CDC42BPA: variants seen among roughly 807,000 people sequenced by gnomAD.
The protein encoded by CDC42BPA is CDC42 binding protein kinase alpha.
CDC42BPA carries 80 observed loss-of-function variants against 223.5 expected under a neutral mutation model. The ratio of observed to expected loss-of-function variants is 0.36; its 90% CI spans 0.30 to 0.43. The LOEUF is 0.43. Among genes scored for constraint, CDC42BPA ranks in the 20% least tolerant of loss-of-function variants. CDC42BPA has a pLI of 1.00. For missense variants in CDC42BPA, 1,743 were observed against 2,099.9 expected (o/e 0.83, Z 3.32); for synonymous variants, 694 against 718.6 (o/e 0.97, Z 0.55).
rs1694677549 is a variant in CDC42BPA at position 227,318,061 on chromosome 1, G to A, written c.-879C>T. 3.4e-6 allele frequency: 1 copy of A among 295,452 alleles called. No homozygotes were observed. The highest frequency in any genetic ancestry group is 6.2e-6 in the Non-Finnish European group (1 of 162,212). 18.3% of individuals were successfully genotyped at this position (295,452 alleles called of 1,614,324 possible). A position where few individuals can be genotyped will look rare whatever the true frequency, so the allele number is the denominator to read the frequency against. On this transcript the variant is annotated 5_prime_UTR_variant, in exon 1 of 37. Coordinates refer to ENST00000366766, the MANE Select transcript of CDC42BPA (RefSeq NM_001394014.1). Reference sequence around the variant, plus strand: ...CACTCCATGTCGGTGGTCGCTCGTGGGCCGAGCCGCGCCGCGCCGCGCCGG... The same window carrying A: ...CACTCCATGTCGGTGGTCGCTCGTGAGCCGAGCCGCGCCGCGCCGCGCCGG...
At chr1:227,307,972 A>G (rs532960278) in intron 1 of CDC42BPA, among the ~76,000 whole-genome samples, 1 of 152,358 alleles carries the variant, frequency 6.6e-6, no homozygotes, top group Non-Finnish European at 1.5e-5. Context: ...TTACTGAAGA[A>G]TAATTATATA....
chr1:227,069,697 G>A (rs1228788508), intron 21 of CDC42BPA, 80 bp downstream of exon 21: 10 of 978,988 alleles, frequency 1.0e-5, no homozygotes, highest in Non-Finnish European at 1.4e-5. Flanking sequence ...CAATAAAATG[G>A]TTTTATTATA....
At chr1:227,207,439 T>C (rs530109240) in intron 3 of CDC42BPA, among the ~76,000 whole-genome samples, 5 of 149,950 alleles carry the variant, frequency 3.3e-5, no homozygotes, top group African/African-American at 1.2e-4. Context: ...TATGTATACA[T>C]GTGCCATGCT....
rs151323067 is a variant in CDC42BPA at position 227,167,758 on chromosome 1, G to A, written c.600-7122C>T. 8.7e-4 allele frequency among the ~76,000 whole-genome samples: 133 copies of A among 152,260 alleles called. 3 individuals are homozygous for A. The East Asian group carries it at 0.023, about 27-fold the overall frequency. On this transcript the variant is annotated intron_variant, in intron 5 of 36. Transcript: ENST00000366766. ...AGTCATATGGTTTGTGAAGAAATTA[G>A]TAAGAATAAAAAATTTATAGTCTAG...
At chr1:227,249,373 C>CA (rs919326898) in intron 2 of CDC42BPA, among the ~76,000 whole-genome samples, 3 of 152,054 alleles carry the variant, frequency 2.0e-5, no homozygotes, top group African/African-American at 7.2e-5. Flanking sequence ...CTGGTCTGCA[C>CA]AAAAATTTCT....
chr1:227,051,074 T>C (rs1673445833), intron 22 of CDC42BPA, among the ~76,000 whole-genome samples: 1 of 152,168 alleles, frequency 6.6e-6, no homozygotes, highest in Non-Finnish European at 1.5e-5. Context: ...TGGGGGAGTC[T>C]GTCACAGAGT....
intron 5 of CDC42BPA, among the ~76,000 whole-genome samples, chr1:227,174,907 C>T (rs919474144): frequency 6.6e-6 from 1 of 152,164 alleles, no homozygotes; most frequent in Non-Finnish European, 1.5e-5. Context: ...TTCTACGCAA[C>T]AGAAAGCTGG....
intron 6 of CDC42BPA, among the ~76,000 whole-genome samples, chr1:227,153,271 A>G (rs1345300477): frequency 6.6e-6 from 1 of 151,948 alleles, no homozygotes; most frequent in African/African-American, 2.4e-5. Flanking sequence ...AACATAGAAC[A>G]TATAAAAACT....
intron 15 of CDC42BPA, among the ~76,000 whole-genome samples, chr1:227,095,109 T>G (rs1683747621): frequency 6.6e-6 from 1 of 152,246 alleles, no homozygotes; most frequent in African/African-American, 2.4e-5. Context: ...TCTGCTTTAC[T>G]TATAGCCTGA....
At chr1:227,196,358 G>A (rs1240786517) in intron 4 of CDC42BPA, among the ~76,000 whole-genome samples, 1 of 9,470 alleles carries the variant, frequency 1.1e-4, no homozygotes, top group Non-Finnish European at 2.4e-4. Context: ...TTTTTTTTTT[G>A]AGACAGAGTC....
At chr1:227,050,366 T>C (rs1673307395) in intron 22 of CDC42BPA, among the ~76,000 whole-genome samples, 1 of 151,912 alleles carries the variant, frequency 6.6e-6, no homozygotes, top group South Asian at 2.1e-4. Flanking sequence ...GCTGGGGGAG[T>C]GAAAATTGGT....
chr1:227,232,740 C>T (rs796481394), intron 2 of CDC42BPA, among the ~76,000 whole-genome samples: 8 of 152,320 alleles, frequency 5.3e-5, no homozygotes, highest in African/African-American at 7.2e-5. Context: ...TATTGCAGAA[C>T]GGCTAATATT....
intron 2 of CDC42BPA, among the ~76,000 whole-genome samples, chr1:227,228,819 A>T (rs537079529): frequency 6.6e-6 from 1 of 152,300 alleles, no homozygotes; most frequent in South Asian, 2.1e-4. Context: ...GTCCATATGT[A>T]TAACTTCTTT....
intron 5 of CDC42BPA, among the ~76,000 whole-genome samples, chr1:227,171,675 T>G (rs749422549): frequency 2.0e-5 from 3 of 150,896 alleles, no homozygotes; most frequent in Non-Finnish European, 3.0e-5. Flanking sequence ...TATGGGTGAT[T>G]TTTTTTTTAA....
intron 11 of CDC42BPA, among the ~76,000 whole-genome samples, chr1:227,126,286 T>C (rs1011928332): frequency 3.3e-5 from 5 of 152,108 alleles, no homozygotes; most frequent in Non-Finnish European, 7.3e-5. Context: ...AACTCTTAAA[T>C]GTTCACATCG....
intron 5 of CDC42BPA, among the ~76,000 whole-genome samples, chr1:227,181,900 C>A (rs1668003389): frequency 6.6e-6 from 1 of 152,086 alleles, no homozygotes; most frequent in African/African-American, 2.4e-5. Flanking sequence ...GCAGGCAATA[C>A]CCTACAGCCT....
At chr1:227,193,068 T>C (rs1669989277) in intron 5 of CDC42BPA, among the ~76,000 whole-genome samples, 1 of 142,282 alleles carries the variant, frequency 7.0e-6, no homozygotes, top group African/African-American at 2.7e-5. Flanking sequence ...GAGAACTTTT[T>C]TTTTTTTTTT....
At chr1:227,014,391 A>T (rs1355434634) in intron 34 of CDC42BPA, among the ~76,000 whole-genome samples, 1 of 152,076 alleles carries the variant, frequency 6.6e-6, no homozygotes, top group African/African-American at 2.4e-5. Flanking sequence ...AGAAAAGTAT[A>T]TTACTATGAA....
intron 7 of CDC42BPA, 114 bp downstream of exon 7, chr1:227,147,245 T>C: frequency 1.5e-6 from 1 of 674,532 alleles, no homozygotes. Context: ...TGTCCCATAC[T>C]AGGATAGAAA....
Sources: gnomAD v4.1 joint callset for allele counts (sites outside exome capture counted in the v4.1 genomes callset) on GRCh38, gnomAD v4.1.1 for gene constraint, MANE v1.5 for transcripts, NCBI Gene and HGNC (gene_info 2026-07-23, HGNC 2026-07-21) for gene names.